KIF13B: variants seen among roughly 807,000 people sequenced by gnomAD.
KIF13B encodes the protein kinesin family member 13B.
KIF13B carries 127 observed loss-of-function variants against 222.0 expected under a neutral mutation model. The observed-to-expected ratio is 0.57, with a 90% CI of 0.50 to 0.66. KIF13B has a LOEUF of 0.66. Ranked by LOEUF, KIF13B falls within the 30% of genes least tolerant of loss-of-function variation. KIF13B has a pLI of 0.00. For missense variants in KIF13B, 2,173 were observed against 2,379.0 expected, an observed-to-expected ratio of 0.91 and a Z score of 1.80; for synonymous variants, 976 against 919.0, an observed-to-expected ratio of 1.06 and a Z score of -1.12.
chr8:29,097,913 T>G (rs544309573), intron 36 of KIF13B, among the ~76,000 whole-genome samples: 1 of 152,276 alleles, frequency 6.6e-6, no homozygotes, highest in South Asian at 2.1e-4. Flanking sequence ...GGCTCATGCC[T>G]GTAATCCCAG....
chr8:29,232,265 A>T (rs1190543882), intron 2 of KIF13B, among the ~76,000 whole-genome samples: 1 of 151,764 alleles, frequency 6.6e-6, no homozygotes, highest in East Asian at 1.9e-4. Context: ...TCTGACTAAA[A>T]ATAAATTAAT....
At chr8:29,238,697 C>G (rs2130620878) in intron 2 of KIF13B, among the ~76,000 whole-genome samples, 1 of 152,238 alleles carries the variant, frequency 6.6e-6, no homozygotes, top group African/African-American at 2.4e-5. Flanking sequence ...CCATCTGTGG[C>G]TACTTTCATC....
At chr8:29,131,513 C>CA (rs1810343629) in intron 23 of KIF13B, among the ~76,000 whole-genome samples, 2 of 151,872 alleles carry the variant, frequency 1.3e-5, no homozygotes, top group South Asian at 4.1e-4. Context: ...TATCCAAATG[C>CA]AAAAAAGAAA....
chr8:29,227,699 AGGGCTTTG>A (rs1350890965), intron 2 of KIF13B, among the ~76,000 whole-genome samples: 1 of 152,186 alleles, frequency 6.6e-6, no homozygotes, highest in Non-Finnish European at 1.5e-5. Flanking sequence ...CTGTAATCCC[AGGGCTTTG>A]GGAGGCAAAG....
Position 29,070,826 on chromosome 8 carries a change from C to T in KIF13B, c.5219-60G>A, listed in dbSNP as rs575908208. 3.2e-6 allele frequency: 5 copies of T among 1,539,906 alleles called. No individual in the cohort carries two copies. In the Admixed American group the frequency reaches 7.9e-5, roughly 24 times the overall value. Reference sequence around the variant, plus strand: ...CCGAGCTGCAGACGGCCCCCTGCACCTCCCTTACCTCTGCAGAGGCCATGT... The same window carrying T: ...CCGAGCTGCAGACGGCCCCCTGCACTTCCCTTACCTCTGCAGAGGCCATGT... On this transcript the variant is annotated intron_variant, in intron 39 of 39. Coordinates refer to ENST00000524189, the MANE Select transcript of KIF13B (RefSeq NM_015254.4). This position sits in a 1 kb window ranked among gnomAD's most constrained non-coding sequence, Gnocchi z 4.1.
At chr8:29,197,820 C>T (rs1411155251) in intron 2 of KIF13B, among the ~76,000 whole-genome samples, 3 of 152,130 alleles carry the variant, frequency 2.0e-5, no homozygotes, top group Non-Finnish European at 2.9e-5. Context: ...TTCCTAAAAA[C>T]GATGATGTTC....
chr8:29,212,942 A>G (rs905784183), intron 2 of KIF13B, among the ~76,000 whole-genome samples: 1 of 151,682 alleles, frequency 6.6e-6, no homozygotes, highest in African/African-American at 2.4e-5. Context: ...CATGGATGTA[A>G]TAGTCCCAAG....
chr8:29,117,618 T>C (rs1161076220), intron 30 of KIF13B, among the ~76,000 whole-genome samples: 1 of 152,192 alleles, frequency 6.6e-6, no homozygotes, highest in African/African-American at 2.4e-5. Context: ...TTCTACAGAA[T>C]GCATAGCCGC....
chr8:29,206,534 A>C (rs1224704931), intron 2 of KIF13B, among the ~76,000 whole-genome samples: 1 of 152,162 alleles, frequency 6.6e-6, no homozygotes, highest in African/African-American at 2.4e-5. Context: ...CTCACAAGGG[A>C]AAAAACAGCT....
intron 1 of KIF13B, among the ~76,000 whole-genome samples, chr8:29,257,497 T>C (rs1458057606): frequency 6.6e-6 from 1 of 152,208 alleles, no homozygotes; most frequent in Non-Finnish European, 1.5e-5. Flanking sequence ...ACTTAAGAAG[T>C]GGAAAAGTCG....
At position 29,140,546 on chromosome 8, in the gene KIF13B, C is replaced by T. The variant is rs375831154; in HGVS notation, c.2406G>A (p.Val802=). Residue 802 remains valine, a synonymous_variant, in exon 20 of 40, where the codon GTG becomes GTA. Transcript: ENST00000524189. ...DEQENHSLIG[V]ANVFLESLFY... is the part of the protein sequence containing the mutation. ...AAAGTGACTCGAGGAAGACATTGGCCACCCCAATGAGACTGTGATTTTCCT... is the reference window on the plus strand; with the variant it reads ...AAAGTGACTCGAGGAAGACATTGGCTACCCCAATGAGACTGTGATTTTCCT... The T allele has an allele frequency of 3.1e-6, 5 of 1,612,912 alleles. No homozygotes were observed. The African/African-American group carries it at 5.3e-5, about 17-fold the overall frequency.
intron 37 of KIF13B, 88 bp downstream of exon 37, chr8:29,092,657 G>T: frequency 1.4e-6 from 2 of 1,402,654 alleles, no homozygotes; most frequent in Non-Finnish European, 1.9e-6. Flanking sequence ...CCAACCCAGA[G>T]GCCGCACCTC....
chr8:29,124,945 G>A (rs1810042325), intron 26 of KIF13B, among the ~76,000 whole-genome samples: 1 of 151,884 alleles, frequency 6.6e-6, no homozygotes, highest in Admixed American at 6.6e-5. Flanking sequence ...AACTACTTGG[G>A]AGGCTGAGGC....
chr8:29,242,683 G>C (rs1396328884), intron 2 of KIF13B, among the ~76,000 whole-genome samples: 2 of 152,216 alleles, frequency 1.3e-5, no homozygotes, highest in African/African-American at 4.8e-5. Context: ...TCAGTCAGGA[G>C]AGTGCTCCGA....
chr8:29,072,222 G>T lies in KIF13B; in HGVS notation c.4616C>A (p.Pro1539Gln). The change falls in exon 39 of 40, where the codon CCG (proline) becomes CAG (glutamine). Residue 1539 changes from proline to glutamine, a missense_variant. Around this residue, in one of 2 missense-constraint regions of KIF13B, gnomAD observed 693 missense variants for 656.2 expected, o/e 1.06. Coordinates refer to ENST00000524189, the MANE Select transcript of KIF13B (RefSeq NM_015254.4). ...GACCGCTGTGACAGCTATGACAGGC[G>T]GTGGGGAAGGCACTTTGGCAGGTTT... ...CDKPAKVPSPPPVIAVTAVTP... is the reference protein window; with the variant it reads ...CDKPAKVPSPQPVIAVTAVTP... 6.8e-7 allele frequency: 1 copy of T among 1,466,524 alleles called. No homozygotes were observed. The highest frequency in any genetic ancestry group is 9.0e-7 in the Non-Finnish European group (1 of 1,111,380). The allele number at this position is 1,466,524 out of a possible 1,614,324, so 90.8% of individuals were successfully genotyped here. A position where few individuals can be genotyped will look rare whatever the true frequency, so the allele number is the denominator to read the frequency against.
chr8:29,249,924 C>T, intron 1 of KIF13B: 1 of 703,474 alleles, frequency 1.4e-6, no homozygotes, highest in Non-Finnish European at 2.2e-6. Context: ...TAGACTATCA[C>T]AGAAATGCTG....
intron 6 of KIF13B, among the ~76,000 whole-genome samples, chr8:29,184,225 A>T (rs1812835622): frequency 6.6e-6 from 1 of 152,128 alleles, no homozygotes; most frequent in South Asian, 2.1e-4. Flanking sequence ...TATAATTAGT[A>T]CGTGAATAAA....
intron 13 of KIF13B, among the ~76,000 whole-genome samples, chr8:29,157,686 A>G (rs1283495460): frequency 6.6e-6 from 1 of 151,836 alleles, no homozygotes; most frequent in Non-Finnish European, 1.5e-5. Context: ...GCCTGGGCGA[A>G]AGAGCAAGAC....
intron 24 of KIF13B, among the ~76,000 whole-genome samples, 187 bp downstream of exon 24, chr8:29,130,346 C>G (rs774022016): frequency 6.6e-5 from 10 of 152,098 alleles, no homozygotes; most frequent in Non-Finnish European, 1.2e-4. Flanking sequence ...ATCCCTGTGT[C>G]TCTACTTCAT....
Sources: allele counts gnomAD v4.1 joint callset (sites outside exome capture counted in the v4.1 genomes callset), GRCh38; gene constraint gnomAD v4.1.1; regional missense constraint gnomAD v4.1.1; non-coding constraint Gnocchi (gnomAD v3.1); transcripts MANE v1.5; gene names NCBI Gene and HGNC (gene_info 2026-07-23, HGNC 2026-07-21).